The following STK32B variants were observed in gnomAD, a reference collection of about 807,000 sequenced individuals.
The protein encoded by STK32B is serine/threonine kinase 32B.
In STK32B, 43 loss-of-function variants were observed where a neutral mutation model predicts 52.6. The ratio of observed to expected loss-of-function variants is 0.82; its 90% CI spans 0.64 to 1.05. The LOEUF is 1.05. Ranked by LOEUF, STK32B falls within the 50% of genes least tolerant of loss-of-function variation. The probability of loss-of-function intolerance (pLI) is 0.00; values close to 1 mark genes in which losing one functional copy is unlikely to be tolerated. For synonymous variants in STK32B, 238 were observed against 204.3 expected, an observed-to-expected ratio of 1.17 and a Z score of -1.41; for missense variants, 621 against 534.6, an observed-to-expected ratio of 1.16 and a Z score of -1.59.
At chr4:5,110,271 CCA>C (rs1714328266) in intron 1 of STK32B, among the ~76,000 whole-genome samples, 3 of 83,972 alleles carry the variant, frequency 3.6e-5, no homozygotes, top group African/African-American at 1.1e-4. Flanking sequence ...TCATATGGAA[CCA>C]AAAAAAAAAA....
chr4:5,216,157 C>T (rs907694978), intron 3 of STK32B, among the ~76,000 whole-genome samples: 9 of 152,128 alleles, frequency 5.9e-5, no homozygotes, highest in African/African-American at 1.4e-4. Flanking sequence ...ATCACTGGAC[C>T]GCACCTCAGA....
chr4:5,136,487 G>T (rs1412779329), intron 1 of STK32B, among the ~76,000 whole-genome samples: 2 of 152,178 alleles, frequency 1.3e-5, no homozygotes, highest in Non-Finnish European at 2.9e-5. Context: ...TTCCTCAGAT[G>T]GAATGGGTTC....
chr4:5,339,638 C>A (rs964188080), intron 4 of STK32B, among the ~76,000 whole-genome samples: 2 of 152,108 alleles, frequency 1.3e-5, no homozygotes, highest in Non-Finnish European at 2.9e-5. Flanking sequence ...TAGCCACACT[C>A]GGAAGTGGAG....
rs1735884675 is a variant in STK32B at position 5,380,717 on chromosome 4, A to T, written c.435-17490A>T. Among the ~76,000 whole-genome samples the T allele has an allele frequency of 6.6e-6, 1 of 152,186 alleles. No individual in the cohort carries two copies. The highest frequency in any genetic ancestry group is 2.4e-5 in the African/African-American group (1 of 41,462). Reference sequence around the variant, plus strand: ...CATCGTGAAATCCTTAAAGCTTTGAACAAAGGGCCCTGCATTTTCTTTTTG... The same window carrying T: ...CATCGTGAAATCCTTAAAGCTTTGATCAAAGGGCCCTGCATTTTCTTTTTG... On this transcript the variant is annotated intron_variant, in intron 4 of 11. Coordinates refer to ENST00000282908, the MANE Select transcript of STK32B (RefSeq NM_018401.3). The surrounding 1 kb of genome is among the most constrained non-coding windows in gnomAD (Gnocchi z 4.3).
chr4:5,193,965 T>A (rs1440255932), intron 3 of STK32B, among the ~76,000 whole-genome samples: 1 of 152,198 alleles, frequency 6.6e-6, no homozygotes, highest in Non-Finnish European at 1.5e-5. Context: ...GTTCTCATGC[T>A]CCTGCACCTC....
chr4:5,365,738 G>T (rs1376596431), intron 4 of STK32B, among the ~76,000 whole-genome samples: 1 of 152,178 alleles, frequency 6.6e-6, no homozygotes, highest in Non-Finnish European at 1.5e-5. Flanking sequence ...AAGTTAACTT[G>T]GGAGCTTGTC....
chr4:5,393,919 T>C (rs1420221474), intron 4 of STK32B, among the ~76,000 whole-genome samples: 1 of 152,192 alleles, frequency 6.6e-6, no homozygotes, highest in Non-Finnish European at 1.5e-5. Flanking sequence ...TGCATGCATA[T>C]GGATAGCATA....
chr4:5,439,559 T>A (rs1232882812), intron 6 of STK32B, among the ~76,000 whole-genome samples: 2 of 151,500 alleles, frequency 1.3e-5, no homozygotes, highest in African/African-American at 4.9e-5. Flanking sequence ...AGGTTGCCTG[T>A]TCACTCTGAT....
At chr4:5,390,517 C>G (rs1308026788) in intron 4 of STK32B, among the ~76,000 whole-genome samples, 1 of 152,136 alleles carries the variant, frequency 6.6e-6, no homozygotes, top group Non-Finnish European at 1.5e-5. Context: ...TAACCCTTTT[C>G]TGAATAGCAG....
chr4:5,450,477 C>G (rs530561644), intron 7 of STK32B, among the ~76,000 whole-genome samples: 2 of 152,292 alleles, frequency 1.3e-5, no homozygotes, highest in South Asian at 4.1e-4. Flanking sequence ...CAGAAAGAAT[C>G]TTTTTCACTC....
At chr4:5,057,623 G>A (rs915405533) in intron 1 of STK32B, among the ~76,000 whole-genome samples, 2 of 152,152 alleles carry the variant, frequency 1.3e-5, no homozygotes, top group Non-Finnish European at 2.9e-5. Context: ...TTAGGATAGA[G>A]GGAGGATTTA....
intron 3 of STK32B, among the ~76,000 whole-genome samples, chr4:5,173,021 T>A (rs1289008087): frequency 1.1e-4 from 16 of 152,240 alleles, no homozygotes; most frequent in Non-Finnish European, 4.4e-5. Context: ...TTCAAATTCT[T>A]CTTGATTTAG....
chr4:5,360,068 T>G (rs1453059096), intron 4 of STK32B, among the ~76,000 whole-genome samples: 1 of 151,900 alleles, frequency 6.6e-6, no homozygotes, highest in Admixed American at 6.6e-5. Flanking sequence ...TACCTACAGG[T>G]GATGAGAAGG....
chr4:5,156,215 CACAT>C (rs1717829793), intron 2 of STK32B, among the ~76,000 whole-genome samples: 1 of 151,562 alleles, frequency 6.6e-6, no homozygotes, highest in African/African-American at 2.4e-5. Context: ...CATACACTTA[CACAT>C]ATAGCGTATA....
intron 3 of STK32B, among the ~76,000 whole-genome samples, chr4:5,247,349 C>T (rs942333298): frequency 3.7e-4 from 56 of 152,364 alleles, no homozygotes; most frequent in African/African-American, 1.1e-3. Flanking sequence ...AGCGAGGCTC[C>T]ATAGGCGTAG....
At chr4:5,222,379 A>G (rs1723593708) in intron 3 of STK32B, among the ~76,000 whole-genome samples, 1 of 152,180 alleles carries the variant, frequency 6.6e-6, no homozygotes, top group South Asian at 2.1e-4. Flanking sequence ...TATTAAGGGC[A>G]ATTCTAGGGA....
chr4:5,261,751 ATTATTATTACT>A (rs1003707974), intron 3 of STK32B, among the ~76,000 whole-genome samples: 1 of 152,108 alleles, frequency 6.6e-6, no homozygotes, highest in Non-Finnish European at 1.5e-5. Flanking sequence ...TATTATTGTT[ATTATTATTACT>A]TTATTATTAT....
chr4:5,298,239 C>T (rs565457442), intron 3 of STK32B, among the ~76,000 whole-genome samples: 47 of 152,204 alleles, frequency 3.1e-4, no homozygotes, highest in African/African-American at 8.9e-4. Flanking sequence ...TGCGAGGTGT[C>T]TCCCAGTCAG....
intron 1 of STK32B, among the ~76,000 whole-genome samples, chr4:5,115,322 C>T (rs1714654560): frequency 6.6e-6 from 1 of 152,130 alleles, no homozygotes. Context: ...CAGCATACTT[C>T]CCAGAGCCCC....
Sources: allele counts gnomAD v4.1 joint callset (sites outside exome capture counted in the v4.1 genomes callset), GRCh38; gene constraint gnomAD v4.1.1; non-coding constraint Gnocchi (gnomAD v3.1); transcripts MANE v1.5; gene names NCBI Gene and HGNC (gene_info 2026-07-23, HGNC 2026-07-21).